RALGAPA1: variants seen among roughly 807,000 people sequenced by gnomAD.
The protein encoded by RALGAPA1 is Ral GTPase activating protein catalytic subunit alpha 1.
A neutral mutation model predicts 269.6 loss-of-function variants in RALGAPA1; 52 were observed. The ratio of observed to expected loss-of-function variants is 0.19; its 90% CI spans 0.15 to 0.24. The LOEUF is 0.24. Among genes scored for constraint, RALGAPA1 ranks in the 10% least tolerant of loss-of-function variants. The pLI is 1.00. For synonymous variants in RALGAPA1, 817 were observed against 1,008.3 expected (o/e 0.81, Z 3.60); for missense variants, 1,917 against 3,013.9 (o/e 0.64, Z 8.52).
chr14:35,776,835 G>A (rs988172847), intron 1 of RALGAPA1, among the ~76,000 whole-genome samples: 1 of 152,182 alleles, frequency 6.6e-6, no homozygotes, highest in Admixed American at 6.5e-5. Flanking sequence ...AAACCTGCAC[G>A]TTGTGCACGT....
intron 16 of RALGAPA1, among the ~76,000 whole-genome samples, chr14:35,701,153 T>C (rs2067316262): frequency 6.6e-6 from 1 of 152,166 alleles, no homozygotes; most frequent in Admixed American, 6.5e-5. Context: ...TAAATTATAG[T>C]TCACTTAGAA....
chr14:35,663,434 C>CAA (rs369825286), intron 27 of RALGAPA1, among the ~76,000 whole-genome samples: 1 of 142,596 alleles, frequency 7.0e-6, no homozygotes, highest in East Asian at 2.0e-4. Flanking sequence ...AAAACAAAAA[C>CAA]AAAAAAAAAA....
At chr14:35,692,752 A>C (rs1482082502) in intron 17 of RALGAPA1, among the ~76,000 whole-genome samples, 1 of 152,034 alleles carries the variant, frequency 6.6e-6, no homozygotes, top group Non-Finnish European at 1.5e-5. Context: ...CTTTATGCTA[A>C]ATTCAGATCA....
chr14:35,713,264 A>G (rs974612168), intron 16 of RALGAPA1, among the ~76,000 whole-genome samples: 19 of 152,298 alleles, frequency 1.2e-4, no homozygotes, highest in Middle Eastern at 3.4e-3. Flanking sequence ...AAGGTGAGAG[A>G]TACTTAGCTC....
intron 16 of RALGAPA1, chr14:35,707,343 G>C (rs2067898823): frequency 6.6e-6 from 1 of 152,040 alleles, no homozygotes; most frequent in Admixed American, 6.5e-5. Context: ...TGTCTTACAG[G>C]AATAGTGAGA....
chr14:35,690,632 A>T (rs929574677), intron 17 of RALGAPA1, among the ~76,000 whole-genome samples: 40 of 152,308 alleles, frequency 2.6e-4, no homozygotes, highest in Middle Eastern at 3.4e-3. Flanking sequence ...TATATTTTTT[A>T]AAAAATCAAT....
In RALGAPA1 at chr14:35,750,540, G is replaced by A; in HGVS notation, c.953C>T (p.Pro318Leu). The A allele has an allele frequency of 1.9e-6, 3 of 1,613,076 alleles. No homozygotes were observed. Among genetic ancestry groups the A allele is most frequent in the Non-Finnish European group, 2.5e-6 (3 of 1,179,432 alleles). The part of the protein sequence containing the change: ...WLVSFWLEPK[P>L]HTGPHIPGME... ...CCCAGGAATATGAGGTCCTGTATGT[G>A]GTTTTGGCTCCAGCCAGAAAGAAAC... Residue 318 changes from proline to leucine, a missense_variant, in exon 9 of 42, where the codon CCA becomes CTA. Around this residue, in one of 11 missense-constraint regions of RALGAPA1, gnomAD observed 462 missense variants for 725.6 expected, o/e 0.64. Transcript: ENST00000680220.
chr14:35,582,471 T>C (rs899154418), intron 37 of RALGAPA1, among the ~76,000 whole-genome samples: 2 of 152,116 alleles, frequency 1.3e-5, no homozygotes, highest in East Asian at 1.9e-4. Flanking sequence ...CCCCTCCCCA[T>C]TCCTGGTGTC....
At chr14:35,606,515 T>C (rs912208921) in intron 35 of RALGAPA1, among the ~76,000 whole-genome samples, 2 of 152,230 alleles carry the variant, frequency 1.3e-5, no homozygotes, top group Non-Finnish European at 2.9e-5. Context: ...TTATGCAGCT[T>C]GGTTTACAAA....
At chr14:35,550,351 G>A (rs1594524754) in intron 39 of RALGAPA1, among the ~76,000 whole-genome samples, 1 of 151,978 alleles carries the variant, frequency 6.6e-6, no homozygotes, top group East Asian at 1.9e-4. Context: ...ATTTAAATAA[G>A]GATAATAAAA....
Position 35,611,588 on chromosome 14 carries a change from G to C in RALGAPA1, c.6930-5879C>G, listed in dbSNP as rs569079259. On this transcript the variant is annotated intron_variant, in intron 35 of 41. Coordinates refer to ENST00000680220, the MANE Select transcript of RALGAPA1 (RefSeq NM_001346249.2). ...CTCTACAAAAAAAAAAAATTGGCTG[G>C]GCATGGTGGCACATGCCTGTAGTCC... Among the ~76,000 whole-genome samples, 4 of 152,036 alleles carry C rather than the reference G, an allele frequency of 2.6e-5. No homozygotes were observed. The South Asian group carries it at 8.3e-4, about 32-fold the overall frequency.
chr14:35,752,469 T>TA (rs1184358104), intron 7 of RALGAPA1, among the ~76,000 whole-genome samples: 1 of 152,122 alleles, frequency 6.6e-6, no homozygotes, highest in African/African-American at 2.4e-5. Flanking sequence ...TAATTCAGCC[T>TA]AAAAAACCAT....
chr14:35,758,611 A>C (rs2073406170), intron 6 of RALGAPA1, among the ~76,000 whole-genome samples: 1 of 152,160 alleles, frequency 6.6e-6, no homozygotes, highest in Non-Finnish European at 1.5e-5. Flanking sequence ...GGTGGTGTGC[A>C]TCTGCAGTCC....
At chr14:35,751,873 G>T in intron 8 of RALGAPA1, 151 bp downstream of exon 8, 1 of 1,000,108 alleles carries the variant, frequency 1.0e-6, no homozygotes, top group East Asian at 3.8e-5. Flanking sequence ...ATATAAATTT[G>T]CTTTCAGTAT....
chr14:35,702,027 A>G (rs1340667106), intron 16 of RALGAPA1, among the ~76,000 whole-genome samples: 1 of 152,068 alleles, frequency 6.6e-6, no homozygotes, highest in Admixed American at 6.5e-5. Context: ...AAGAATTCCC[A>G]CTTTTGCAAA....
At chr14:35,603,951 G>A (rs776821793) in intron 36 of RALGAPA1, among the ~76,000 whole-genome samples, 9 of 152,206 alleles carry the variant, frequency 5.9e-5, no homozygotes, top group South Asian at 4.1e-4. Flanking sequence ...TAGCATGACT[G>A]TAGTTAACAA....
chr14:35,620,953 T>C (rs2060582849), intron 35 of RALGAPA1, among the ~76,000 whole-genome samples: 1 of 152,252 alleles, frequency 6.6e-6, no homozygotes, highest in South Asian at 2.1e-4. Context: ...AATTTATAGA[T>C]TCAATGCCAT....
At position 35,662,937 on chromosome 14, in the gene RALGAPA1, TGG is replaced by T. The variant is rs34890691; in HGVS notation, c.5328+1703_5328+1704del. On this transcript the variant is annotated intron_variant, in intron 27 of 41. Transcript: ENST00000680220. ...TTGTTTAACAAATGATTTCCTTTTT[TGG>T]GGGGGGGGTGGGACAAGGTCTTGCT... Among the ~76,000 whole-genome samples the T allele has an allele frequency of 1.1e-3, 86 of 76,556 alleles. No homozygotes were observed. In the Middle Eastern group the frequency reaches 0.024, roughly 21 times the overall value. 50.2% of individuals were successfully genotyped at this position (76,556 alleles called of 152,430 possible).
At chr14:35,792,817 GAGAA>G (rs72124498) in intron 1 of RALGAPA1, among the ~76,000 whole-genome samples, 1,468 of 119,738 alleles carry the variant, frequency 0.012, 9 homozygotes, top group Non-Finnish European at 0.018. Context: ...AAGAAAGAAA[GAGAA>G]AGAAAGAAAG....
Sources: allele counts gnomAD v4.1 joint callset (sites outside exome capture counted in the v4.1 genomes callset), GRCh38; gene constraint gnomAD v4.1.1; regional missense constraint gnomAD v4.1.1; transcripts MANE v1.5; gene names NCBI Gene and HGNC (gene_info 2026-07-23, HGNC 2026-07-21).